Variants in SHC4 observed in about 807,000 individuals in gnomAD.
The protein encoded by SHC4 is SHC adaptor protein 4, also known as SHC-transforming protein 4.
Under a neutral mutation model 69.4 loss-of-function variants are expected in SHC4, and 41 were observed. That is an observed-to-expected ratio of 0.59 (90% CI 0.46 to 0.77). The LOEUF (loss-of-function observed/expected upper bound fraction) is 0.77. SHC4 is among the 30% of genes least tolerant of loss of function. The pLI, the probability that SHC4 is intolerant of heterozygous loss-of-function variation, is 0.00. For missense variants in SHC4, 777 were observed against 783.8 expected (o/e 0.99, Z 0.10); for synonymous variants, 318 against 299.3 (o/e 1.06, Z -0.64).
chr15:48,913,121 A>G (rs1342505615), intron 2 of SHC4, among the ~76,000 whole-genome samples: 2 of 151,702 alleles, frequency 1.3e-5, no homozygotes, highest in Non-Finnish European at 2.9e-5. Flanking sequence ...ATAGTAGTAT[A>G]GAGAGGAGCC....
chr15:48,904,726 A>C lies in SHC4; in HGVS notation c.657-13915T>G, dbSNP rs116497153. On this transcript the variant is annotated intron_variant, in intron 2 of 11. Coordinates refer to ENST00000332408, the MANE Select transcript of SHC4 (RefSeq NM_203349.4). ...GACCTCATCTCCACACACACACACA[A>C]AAAAATGTAATTAGCCAAATGTGGT... is the stretch of plus-strand genomic sequence containing the variant. Among the ~76,000 whole-genome samples the C allele has an allele frequency of 5.8e-3, 868 of 149,536 alleles. 6 individuals are homozygous for C. Among genetic ancestry groups the C allele is most frequent in the African/African-American group, 0.019 (774 of 40,458 alleles).
Position 48,956,464 on chromosome 15 carries a change from T to C in SHC4, c.585+5967A>G, listed in dbSNP as rs1286251489. On this transcript the variant is annotated intron_variant, in intron 1 of 11. Transcript: ENST00000332408. ...GAAAATAGAGATGGCTTAATTTCTG[T>C]CACTTCTGCAGTCCTCCTGTTGGAC... Among the ~76,000 whole-genome samples, 4 of 152,164 alleles carry C rather than the reference T, an allele frequency of 2.6e-5. No individual in the cohort carries two copies. In the South Asian group the frequency reaches 8.3e-4, roughly 32 times the overall value.
intron 2 of SHC4, among the ~76,000 whole-genome samples, chr15:48,899,069 A>AG (rs1900272849): frequency 6.6e-6 from 1 of 151,864 alleles, no homozygotes; most frequent in South Asian, 2.1e-4. Flanking sequence ...AAAACCGAAA[A>AG]CAGGTCTTAC....
intron 9 of SHC4, among the ~76,000 whole-genome samples, chr15:48,844,286 C>A (rs1267998160): frequency 1.3e-5 from 2 of 152,158 alleles, no homozygotes; most frequent in Non-Finnish European, 2.9e-5. Flanking sequence ...CCCAAATAAT[C>A]TTTTAAAAAC....
intron 2 of SHC4, among the ~76,000 whole-genome samples, chr15:48,896,783 TCTC>T (rs1278468386): frequency 3.3e-5 from 5 of 152,196 alleles, no homozygotes; most frequent in South Asian, 2.1e-4. Flanking sequence ...CGTTAACAAA[TCTC>T]CTGAAATCCC....
chr15:48,870,723 A>C (rs10519192), intron 5 of SHC4, among the ~76,000 whole-genome samples: 2 of 151,914 alleles, frequency 1.3e-5, no homozygotes, highest in African/African-American at 4.8e-5. Context: ...TAAATACTTT[A>C]GGTCATTGGT....
chr15:48,830,424 A>G (rs1898775596), intron 11 of SHC4, among the ~76,000 whole-genome samples: 1 of 152,196 alleles, frequency 6.6e-6, no homozygotes, highest in Non-Finnish European at 1.5e-5. Context: ...TTGCATAATA[A>G]CATTTTGGTT....
chr15:48,826,338 A>ACCT (rs1213885832), intron 11 of SHC4, among the ~76,000 whole-genome samples: 1 of 149,274 alleles, frequency 6.7e-6, no homozygotes, highest in East Asian at 2.0e-4. Context: ...TGCAACCTCC[A>ACCT]CCTCCTGGGT....
intron 5 of SHC4, among the ~76,000 whole-genome samples, chr15:48,868,284 A>G (rs1436643440): frequency 6.6e-6 from 1 of 152,224 alleles, no homozygotes; most frequent in Non-Finnish European, 1.5e-5. Context: ...TTGTCCAAAC[A>G]TATACCACAT....
chr15:48,957,375 G>A (rs997797137), intron 1 of SHC4, among the ~76,000 whole-genome samples: 19 of 152,140 alleles, frequency 1.2e-4, no homozygotes, highest in Non-Finnish European at 2.9e-5. Flanking sequence ...TTCAATGCAC[G>A]TCTCCAAACT....
intron 2 of SHC4, among the ~76,000 whole-genome samples, chr15:48,897,508 C>CCACACACACACACACA (rs57034071): frequency 7.0e-6 from 1 of 142,934 alleles, no homozygotes; most frequent in Non-Finnish European, 1.5e-5. Flanking sequence ...AGCAATGTCG[C>CCACACACACACACACA]CACACACACA....
chr15:48,850,233 A>ATAAAC (rs79758207), intron 9 of SHC4, among the ~76,000 whole-genome samples: 1 of 151,526 alleles, frequency 6.6e-6, no homozygotes, highest in Non-Finnish European at 1.5e-5. Flanking sequence ...AAATAAATAA[A>ATAAAC]TAAACTAAAC....
intron 2 of SHC4, among the ~76,000 whole-genome samples, chr15:48,912,342 T>C (rs1900522437): frequency 6.6e-6 from 1 of 152,222 alleles, no homozygotes; most frequent in Non-Finnish European, 1.5e-5. Flanking sequence ...GTCTTCGAGC[T>C]CTGAATTTCT....
intron 1 of SHC4, among the ~76,000 whole-genome samples, chr15:48,925,940 A>G (rs768087673): frequency 6.6e-5 from 10 of 152,182 alleles, no homozygotes; most frequent in Non-Finnish European, 1.5e-4. Context: ...AGAACAAGAG[A>G]GAAGGATGAG....
At chr15:48,858,319 GCT>G (rs1899372469) in intron 6 of SHC4, among the ~76,000 whole-genome samples, 2 of 152,162 alleles carry the variant, frequency 1.3e-5, no homozygotes, top group Non-Finnish European at 2.9e-5. Flanking sequence ...CCCCCGCCCC[GCT>G]GCCACCCCTT....
chr15:48,944,510 A>G (rs1901238478), intron 1 of SHC4, among the ~76,000 whole-genome samples: 1 of 152,134 alleles, frequency 6.6e-6, no homozygotes, highest in Admixed American at 6.5e-5. Flanking sequence ...CCTTGTTGCA[A>G]TCTTGAATGA....
chr15:48,903,581 G>T (rs897655069), intron 2 of SHC4, among the ~76,000 whole-genome samples: 2 of 152,154 alleles, frequency 1.3e-5, no homozygotes, highest in Non-Finnish European at 2.9e-5. Flanking sequence ...GTAATCTGTG[G>T]TCCAAATTAC....
chr15:48,924,153 C>A (rs1416379165), intron 2 of SHC4, among the ~76,000 whole-genome samples: 2 of 152,164 alleles, frequency 1.3e-5, no homozygotes, highest in Non-Finnish European at 2.9e-5. Flanking sequence ...CTGAGACACA[C>A]CTTGGCACCA....
At chr15:48,896,380 G>A (rs1900222420) in intron 2 of SHC4, among the ~76,000 whole-genome samples, 1 of 149,740 alleles carries the variant, frequency 6.7e-6, no homozygotes, top group Non-Finnish European at 1.5e-5. Flanking sequence ...GAGTTCAATG[G>A]CATGATCTCA....
Sources: allele counts gnomAD v4.1 joint callset (sites outside exome capture counted in the v4.1 genomes callset), GRCh38; gene constraint gnomAD v4.1.1; transcripts MANE v1.5; gene names NCBI Gene and HGNC (gene_info 2026-07-23, HGNC 2026-07-21).